The following NRXN1 variants were observed in gnomAD, a reference collection of about 807,000 sequenced individuals.
The protein encoded by NRXN1 is neurexin 1.
A neutral mutation model predicts 150.9 loss-of-function variants in NRXN1; 39 were observed. The observed-to-expected ratio is 0.26, with a 90% CI of 0.20 to 0.34. The LOEUF is 0.34. Ranked by LOEUF, NRXN1 falls within the 10% of genes least tolerant of loss-of-function variation. The pLI, the probability that NRXN1 is intolerant of heterozygous loss-of-function variation, is 1.00. For missense variants in NRXN1, 1,815 were observed against 1,949.9 expected, an observed-to-expected ratio of 0.93 and a Z score of 1.30; for synonymous variants, 924 against 757.0, an observed-to-expected ratio of 1.22 and a Z score of -3.62.
chr2:50,792,697 A>G (rs1706225563), intron 5 of NRXN1, among the ~76,000 whole-genome samples: 1 of 152,074 alleles, frequency 6.6e-6, no homozygotes, highest in Non-Finnish European at 1.5e-5. Flanking sequence ...TCACAAGAGA[A>G]GGGTAAACGG....
Position 50,973,395 on chromosome 2 carries a change from C to T in NRXN1, c.773-47440G>A, listed in dbSNP as rs140042531. Among the ~76,000 whole-genome samples, 525 of 152,164 alleles carry T rather than the reference C, an allele frequency of 3.5e-3. 2 individuals are homozygous for T. The highest frequency in any genetic ancestry group is 0.011 in the African/African-American group (475 of 41,526). ...TCAAGGGCTAATGATTTTCTAATTACGGTATCTATATATGGTTCTCATTTG... is the reference window on the plus strand; with the variant it reads ...TCAAGGGCTAATGATTTTCTAATTATGGTATCTATATATGGTTCTCATTTG... On this transcript the variant is annotated intron_variant, in intron 2 of 22. Transcript: ENST00000401669.
At chr2:49,989,223 G>A (rs897756613) in intron 21 of NRXN1, among the ~76,000 whole-genome samples, 5 of 152,156 alleles carry the variant, frequency 3.3e-5, no homozygotes, top group Non-Finnish European at 5.9e-5. Flanking sequence ...AATCCACCAA[G>A]TGAAACCTTG....
chr2:50,204,576 G>C (rs1045901263), intron 18 of NRXN1, among the ~76,000 whole-genome samples: 1 of 152,044 alleles, frequency 6.6e-6, no homozygotes, highest in African/African-American at 2.4e-5. Context: ...TTAAAAATGA[G>C]AAGTGTTATA....
intron 5 of NRXN1, among the ~76,000 whole-genome samples, chr2:50,895,000 C>G (rs959010498): frequency 4.6e-5 from 7 of 152,114 alleles, no homozygotes; most frequent in African/African-American, 1.7e-4. Flanking sequence ...AATGCAATTA[C>G]TACTGCTTTT....
intron 17 of NRXN1, among the ~76,000 whole-genome samples, chr2:50,402,815 C>G (rs1045844514): frequency 5.9e-5 from 9 of 152,070 alleles, no homozygotes; most frequent in Non-Finnish European, 1.2e-4. Flanking sequence ...ACAGATCTTT[C>G]TTTAAGCCTC....
intron 8 of NRXN1, among the ~76,000 whole-genome samples, chr2:50,591,400 ATAGATAGATAG>A (rs373878174): frequency 0.039 from 5,854 of 151,524 alleles, 132 homozygotes; most frequent in East Asian, 0.053. Flanking sequence ...AGATAGATAG[ATAGATAGATAG>A]ATAGATAGAT....
chr2:50,578,549 A>G (rs1162141495), intron 8 of NRXN1, among the ~76,000 whole-genome samples: 1 of 152,184 alleles, frequency 6.6e-6, no homozygotes, highest in African/African-American at 2.4e-5. Flanking sequence ...GTATTTACAT[A>G]AACACAGTCT....
chr2:51,000,175 G>C (rs773684030), intron 2 of NRXN1, among the ~76,000 whole-genome samples: 1 of 151,954 alleles, frequency 6.6e-6, no homozygotes, highest in Non-Finnish European at 1.5e-5. Flanking sequence ...TTCTCGCTCA[G>C]AGCTGCATGT....
rs528787115 is a variant in NRXN1 at position 50,156,560 on chromosome 2, T to C, written c.3547-65066A>G. On this transcript the variant is annotated intron_variant, in intron 18 of 22. Coordinates refer to ENST00000401669, the MANE Select transcript of NRXN1 (RefSeq NM_001330078.2). The stretch of plus-strand genomic sequence containing the variant: ...ATTTTATAACTATAAAGCAATAATG[T>C]AAGTTTATTAAAAAGTTGTTAAAAT... 3.3e-5 allele frequency among the ~76,000 whole-genome samples: 5 copies of C among 152,068 alleles called. No individual in the cohort carries two copies. The East Asian group carries it at 9.7e-4, about 29-fold the overall frequency.
At chr2:50,789,387 C>G (rs1342700675) in intron 5 of NRXN1, among the ~76,000 whole-genome samples, 1 of 152,162 alleles carries the variant, frequency 6.6e-6, no homozygotes, top group African/African-American at 2.4e-5. Flanking sequence ...GATTCTAGCT[C>G]TATTCAATCT....
intron 21 of NRXN1, among the ~76,000 whole-genome samples, chr2:49,981,475 T>C (rs1406252671): frequency 6.6e-6 from 1 of 152,058 alleles, no homozygotes; most frequent in East Asian, 1.9e-4. Flanking sequence ...CAATGGACTA[T>C]ACGAGAAACT....
In NRXN1 at chr2:50,943,931, G is replaced by A. The variant is rs558835827; in HGVS notation, c.773-17976C>T. Among the ~76,000 whole-genome samples, 4 of 152,158 alleles carry A rather than the reference G, an allele frequency of 2.6e-5. No homozygotes were observed. The South Asian group carries it at 8.3e-4, about 32-fold the overall frequency. On this transcript the variant is annotated intron_variant, in intron 2 of 22. Coordinates refer to ENST00000401669, the MANE Select transcript of NRXN1 (RefSeq NM_001330078.2). Reference sequence around the variant, plus strand: ...ACTTAAGAAGCAAATATTATTTTTGGAAGACCCTGGCATACGATTTCTGAC... The same window carrying A: ...ACTTAAGAAGCAAATATTATTTTTGAAAGACCCTGGCATACGATTTCTGAC...
At chr2:50,701,092 A>G (rs1230881473) in intron 5 of NRXN1, among the ~76,000 whole-genome samples, 1 of 152,216 alleles carries the variant, frequency 6.6e-6, no homozygotes, top group Non-Finnish European at 1.5e-5. Context: ...TAACTACATT[A>G]AAGTAGGCCT....
intron 8 of NRXN1, among the ~76,000 whole-genome samples, chr2:50,612,143 T>C (rs1052677429): frequency 8.5e-5 from 13 of 152,298 alleles, no homozygotes; most frequent in African/African-American, 3.1e-4. Flanking sequence ...TTAGTTTTGT[T>C]ACTTACTAAT....
At chr2:50,812,238 T>C (rs1182544856) in intron 5 of NRXN1, among the ~76,000 whole-genome samples, 2 of 152,202 alleles carry the variant, frequency 1.3e-5, no homozygotes, top group East Asian at 1.9e-4. Context: ...AACATATAAA[T>C]ATAGCAGAAT....
At chr2:50,421,632 A>C (rs2084007553) in intron 17 of NRXN1, among the ~76,000 whole-genome samples, 1 of 152,156 alleles carries the variant, frequency 6.6e-6, no homozygotes, top group Admixed American at 6.6e-5. Flanking sequence ...ATTTATCTTT[A>C]AAACCACTGA....
chr2:50,780,694 CTAA>C (rs1704243795), intron 5 of NRXN1, among the ~76,000 whole-genome samples: 1 of 152,066 alleles, frequency 6.6e-6, no homozygotes, highest in South Asian at 2.1e-4. Flanking sequence ...TTTCTTACTA[CTAA>C]TATTTGAAAA....
At chr2:50,384,206 C>T (rs1009206058) in intron 17 of NRXN1, among the ~76,000 whole-genome samples, 1 of 152,096 alleles carries the variant, frequency 6.6e-6, no homozygotes, top group Non-Finnish European at 1.5e-5. Flanking sequence ...ATTATGATGG[C>T]TTTAAACAAT....
chr2:50,742,402 G>C (rs1311124084), intron 5 of NRXN1, among the ~76,000 whole-genome samples: 1 of 151,764 alleles, frequency 6.6e-6, no homozygotes, highest in Non-Finnish European at 1.5e-5. Context: ...GAGGCAGGTG[G>C]ATCACAAAGT....
Sources: allele counts gnomAD v4.1 joint callset (sites outside exome capture counted in the v4.1 genomes callset), GRCh38; gene constraint gnomAD v4.1.1; transcripts MANE v1.5; gene names NCBI Gene and HGNC (gene_info 2026-07-23, HGNC 2026-07-21).